The following CLVS1 variants were observed in gnomAD, a reference collection of about 807,000 sequenced individuals.
CLVS1 encodes the protein clavesin-1.
A neutral mutation model predicts 33.1 loss-of-function variants in CLVS1; 10 were observed. The ratio of observed to expected loss-of-function variants is 0.30; its 90% CI spans 0.19 to 0.51. The LOEUF is 0.51. Among genes scored for constraint, CLVS1 ranks in the 20% least tolerant of loss-of-function variants. CLVS1 has a pLI of 0.97. For missense variants in CLVS1, 343 were observed against 433.4 expected (o/e 0.79, Z 1.85); for synonymous variants, 163 against 166.1 (o/e 0.98, Z 0.14).
intron 2 of CLVS1, among the ~76,000 whole-genome samples, chr8:61,307,846 C>A (rs559624705): frequency 6.0e-4 from 92 of 152,264 alleles, no homozygotes; most frequent in African/African-American, 2.0e-3. Flanking sequence ...CTCCCACACT[C>A]CCACCTTATG....
At chr8:61,280,216 A>G (rs1809642716) in intron 2 of CLVS1, among the ~76,000 whole-genome samples, 1 of 152,160 alleles carries the variant, frequency 6.6e-6, no homozygotes, top group African/African-American at 2.4e-5. Context: ...GGCTACTGAT[A>G]TTTGGTATTG....
intron 3 of CLVS1, among the ~76,000 whole-genome samples, chr8:61,423,865 A>T (rs1815777659): frequency 6.6e-6 from 1 of 152,212 alleles, no homozygotes. Flanking sequence ...AAAGGATGAA[A>T]ATGGTTAATA....
intron 2 of CLVS1, among the ~76,000 whole-genome samples, chr8:61,229,435 A>G (rs1419773387): frequency 1.3e-5 from 2 of 152,160 alleles, no homozygotes; most frequent in Non-Finnish European, 2.9e-5. Flanking sequence ...CCCACTCTCT[A>G]GACAGCAAAT....
At chr8:61,342,194 C>G (rs559149863) in intron 2 of CLVS1, among the ~76,000 whole-genome samples, 1 of 152,140 alleles carries the variant, frequency 6.6e-6, no homozygotes, top group Non-Finnish European at 1.5e-5. Context: ...CTCAGCCTCA[C>G]CCTGACTCCA....
chr8:61,166,691 A>G (rs1806872808), intron 2 of CLVS1, among the ~76,000 whole-genome samples: 1 of 151,778 alleles, frequency 6.6e-6, no homozygotes, highest in Non-Finnish European at 1.5e-5. Context: ...TGAGGTGTAA[A>G]CTCTTTCCTC....
At chr8:61,369,341 C>T (rs1813342083) in intron 2 of CLVS1, among the ~76,000 whole-genome samples, 1 of 152,130 alleles carries the variant, frequency 6.6e-6, no homozygotes, top group African/African-American at 2.4e-5. Flanking sequence ...GATTACCTCA[C>T]TGAGAAATAA....
chr8:61,176,743 C>A (rs1807119337), intron 2 of CLVS1, among the ~76,000 whole-genome samples: 1 of 152,102 alleles, frequency 6.6e-6, no homozygotes, highest in South Asian at 2.1e-4. Context: ...CGGGGGAGCC[C>A]TCACCCCTCA....
intron 2 of CLVS1, among the ~76,000 whole-genome samples, chr8:61,142,822 G>C (rs952887965): frequency 1.3e-5 from 2 of 152,168 alleles, no homozygotes; most frequent in South Asian, 4.1e-4. Context: ...TTCTGATCTG[G>C]TGATATTTTC....
intron 3 of CLVS1, among the ~76,000 whole-genome samples, chr8:61,447,762 C>T (rs1038030886): frequency 7.2e-5 from 11 of 152,032 alleles, no homozygotes; most frequent in African/African-American, 2.4e-4. Flanking sequence ...CTATCAAAGA[C>T]AATTTAGAAA....
chr8:61,346,240 G>A (rs1250223845), intron 2 of CLVS1, among the ~76,000 whole-genome samples: 1 of 152,134 alleles, frequency 6.6e-6, no homozygotes, highest in Non-Finnish European at 1.5e-5. Context: ...CAGAATTTCA[G>A]GGGGTAAAGC....
At chr8:60,969,078 C>T in the CLVS1 span, among the ~76,000 whole-genome samples, 20 of 152,106 alleles carry the variant, frequency 1.3e-4, no homozygotes, top group Non-Finnish European at 2.4e-4. Flanking sequence ...AAGCTCTATA[C>T]GTCAAAAGGT....
At chr8:61,041,984 A>G in the CLVS1 span, among the ~76,000 whole-genome samples, 3 of 152,124 alleles carry the variant, frequency 2.0e-5, no homozygotes, top group African/African-American at 7.2e-5. Flanking sequence ...GAATTATACG[A>G]GAAAAAAAAT....
At chr8:61,353,023 G>A (rs1343440999) in intron 2 of CLVS1, among the ~76,000 whole-genome samples, 1 of 152,002 alleles carries the variant, frequency 6.6e-6, no homozygotes, top group Non-Finnish European at 1.5e-5. Context: ...AGAGATGACT[G>A]TTTCTTAAAT....
chr8:61,108,851 A>G (rs190056011), intron 1 of CLVS1, among the ~76,000 whole-genome samples: 4 of 152,320 alleles, frequency 2.6e-5, no homozygotes, highest in Non-Finnish European at 5.9e-5. Flanking sequence ...GCCTGAGGGT[A>G]TTCTCAGTTC....
chr8:61,330,037 C>T (rs768072690), intron 2 of CLVS1, among the ~76,000 whole-genome samples: 4 of 152,162 alleles, frequency 2.6e-5, no homozygotes, highest in Non-Finnish European at 2.9e-5. Flanking sequence ...GACATGCCCA[C>T]CTGCAGCTGG....
intron 2 of CLVS1, among the ~76,000 whole-genome samples, chr8:61,357,458 G>GT (rs368964889): frequency 0.02 from 1,652 of 84,422 alleles, 42 homozygotes; most frequent in African/African-American, 0.058. Flanking sequence ...TTGCCAGGAC[G>GT]TTTTTTTTTC....
chr8:61,163,043 G>C (rs973807610), intron 2 of CLVS1, among the ~76,000 whole-genome samples: 3 of 152,138 alleles, frequency 2.0e-5, no homozygotes, highest in Admixed American at 1.3e-4. Context: ...TGTCATTTCA[G>C]GCTTTGTTGC....
In CLVS1 at chr8:61,424,341, G is replaced by A. The variant is rs146507996; in HGVS notation, c.631-29800G>A. Among the ~76,000 whole-genome samples, 69 of 152,322 alleles carry A rather than the reference G, an allele frequency of 4.5e-4. No homozygotes were observed. The East Asian group carries it at 0.013, about 28-fold the overall frequency. ...ATAAATGGCTACTCTTCAGCACACA[G>A]CACTACAATGAAAGACTAATTCCTA... On this transcript the variant is annotated intron_variant, in intron 3 of 5. Coordinates refer to ENST00000325897, the MANE Select transcript of CLVS1 (RefSeq NM_173519.3).
intron 2 of CLVS1, among the ~76,000 whole-genome samples, chr8:61,329,356 A>C (rs1811506008): frequency 6.6e-6 from 1 of 152,202 alleles, no homozygotes; most frequent in African/African-American, 2.4e-5. Flanking sequence ...CTATTAGTTA[A>C]TAATCCTACT....
Sources: allele counts gnomAD v4.1 joint callset (sites outside exome capture counted in the v4.1 genomes callset), GRCh38; gene constraint gnomAD v4.1.1; transcripts MANE v1.5; gene names NCBI Gene and HGNC (gene_info 2026-07-23, HGNC 2026-07-21).